ASAP1: variants seen among roughly 807,000 people sequenced by gnomAD.
The protein encoded by ASAP1 is arf-GAP with SH3 domain, ANK repeat and PH domain-containing protein 1.
ASAP1 carries 43 observed loss-of-function variants against 145.2 expected under a neutral mutation model. That is an observed-to-expected ratio of 0.30 (90% confidence interval 0.23 to 0.38). The LOEUF is 0.38. Among genes scored for constraint, ASAP1 ranks in the 10% least tolerant of loss-of-function variants. The pLI, the probability that ASAP1 is intolerant of heterozygous loss-of-function variation, is 1.00. For missense variants in ASAP1, 1,018 were observed against 1,355.3 expected (o/e 0.75, Z 3.91); for synonymous variants, 546 against 515.5 (o/e 1.06, Z -0.80).
chr8:130,192,426 T>C (rs1815203094), intron 5 of ASAP1, among the ~76,000 whole-genome samples: 1 of 152,166 alleles, frequency 6.6e-6, no homozygotes, highest in African/African-American at 2.4e-5. Context: ...CAACACTAAC[T>C]GGGTCTGAGA....
chr8:130,217,258 C>T (rs1341473041), intron 4 of ASAP1, among the ~76,000 whole-genome samples: 22 of 151,990 alleles, frequency 1.4e-4, no homozygotes, highest in Admixed American at 1.4e-3. Flanking sequence ...ATAGTATTTA[C>T]ATAATGAATA....
intron 3 of ASAP1, among the ~76,000 whole-genome samples, chr8:130,345,450 T>C (rs1348980253): frequency 6.6e-6 from 1 of 152,154 alleles, no homozygotes; most frequent in African/African-American, 2.4e-5. Flanking sequence ...ATGTCTTGTT[T>C]GTGTCTCTGT....
At chr8:130,440,125 TTCTC>T (rs892902533) in intron 1 of ASAP1, among the ~76,000 whole-genome samples, 4 of 152,112 alleles carry the variant, frequency 2.6e-5, no homozygotes, top group Non-Finnish European at 5.9e-5. Context: ...CTCCTCCCAC[TTCTC>T]TCTACCTCCA....
chr8:130,101,881 A>AT (rs1399711205), intron 24 of ASAP1, among the ~76,000 whole-genome samples: 3 of 151,392 alleles, frequency 2.0e-5, no homozygotes, highest in Non-Finnish European at 4.4e-5. Flanking sequence ...CTTTTTCTTG[A>AT]TTTTTTAAAG....
intron 3 of ASAP1, among the ~76,000 whole-genome samples, chr8:130,343,979 C>A (rs2137952037): frequency 6.6e-6 from 1 of 152,260 alleles, no homozygotes; most frequent in South Asian, 2.1e-4. Flanking sequence ...AAATTTTCTT[C>A]TTTTATACTT....
chr8:130,063,429 A>T (rs1055821256), intron 27 of ASAP1, among the ~76,000 whole-genome samples: 1 of 151,660 alleles, frequency 6.6e-6, no homozygotes, highest in Non-Finnish European at 1.5e-5. Flanking sequence ...CTCTCTCCGC[A>T]CTCCTGGCTT....
chr8:130,347,885 T>C (rs1360805707), intron 3 of ASAP1, among the ~76,000 whole-genome samples: 1 of 152,224 alleles, frequency 6.6e-6, no homozygotes, highest in African/African-American at 2.4e-5. Flanking sequence ...CCATGAATCC[T>C]TCCAATAAGT....
intron 24 of ASAP1, among the ~76,000 whole-genome samples, chr8:130,101,732 A>ATTTTGTTTTTTTTTTTTTTTTTTTTTTT (rs2097529109): frequency 1.1e-5 from 1 of 86,968 alleles, no homozygotes; most frequent in African/African-American, 5.5e-5. Flanking sequence ...CACCTGGTTA[A>ATTTTGTTTTTTTTTTTTTTTTTTTTTTT]TTTTTTTTTT....
chr8:130,070,216 T>C (rs576756409), intron 27 of ASAP1, among the ~76,000 whole-genome samples: 23 of 152,304 alleles, frequency 1.5e-4, no homozygotes, highest in African/African-American at 5.3e-4. Flanking sequence ...TTTTCTATTT[T>C]TTAGTAGAGA....
intron 24 of ASAP1, among the ~76,000 whole-genome samples, chr8:130,102,996 GT>G (rs1331012661): frequency 5.6e-4 from 16 of 28,804 alleles, no homozygotes; most frequent in African/African-American, 2.2e-3. Flanking sequence ...CAGCCTAGCT[GT>G]CTGTTTTTTA....
intron 24 of ASAP1, among the ~76,000 whole-genome samples, chr8:130,106,149 G>A (rs1449843524): frequency 1.3e-5 from 2 of 151,958 alleles, no homozygotes; most frequent in African/African-American, 2.4e-5. Context: ...AAGGACAGGG[G>A]GAAAGGATTT....
At chr8:130,285,794 A>G (rs1821572464) in intron 3 of ASAP1, among the ~76,000 whole-genome samples, 1 of 152,240 alleles carries the variant, frequency 6.6e-6, no homozygotes, top group Admixed American at 6.5e-5. Flanking sequence ...ATCACCGTGG[A>G]AAGTTTTCCG....
chr8:130,309,098 T>C (rs1823170899), intron 3 of ASAP1, among the ~76,000 whole-genome samples: 1 of 152,180 alleles, frequency 6.6e-6, no homozygotes, highest in Non-Finnish European at 1.5e-5. Context: ...AAACATGTCC[T>C]GAAGCACCTA....
At chr8:130,153,332 A>AATATATATATATAT (rs67554567) in intron 12 of ASAP1, among the ~76,000 whole-genome samples, 37 of 87,512 alleles carry the variant, frequency 4.2e-4, no homozygotes, top group African/African-American at 1.3e-3. Context: ...CTGCTTTTTA[A>AATATATATATATAT]ATATATATAT....
At chr8:130,233,241 G>T (rs777335482) in intron 4 of ASAP1, among the ~76,000 whole-genome samples, 2 of 152,156 alleles carry the variant, frequency 1.3e-5, no homozygotes, top group Non-Finnish European at 2.9e-5. Flanking sequence ...TTTTCCATTT[G>T]ATGGATCCAT....
At chr8:130,337,936 A>C (rs1340578696) in intron 3 of ASAP1, among the ~76,000 whole-genome samples, 1 of 152,220 alleles carries the variant, frequency 6.6e-6, no homozygotes, top group African/African-American at 2.4e-5. Flanking sequence ...CATTTACTAC[A>C]TACCAATGTG....
At chr8:130,112,054 C>G in intron 24 of ASAP1, 40 bp downstream of exon 24, 1 of 1,570,612 alleles carries the variant, frequency 6.4e-7, no homozygotes, top group South Asian at 1.1e-5. Context: ...GTCACAAGCC[C>G]TTCGAGGATG....
chr8:130,189,774 CA>C (rs1452250437), intron 5 of ASAP1, among the ~76,000 whole-genome samples: 1 of 152,194 alleles, frequency 6.6e-6, no homozygotes, highest in Non-Finnish European at 1.5e-5. Flanking sequence ...TTACCACCAA[CA>C]GCGTATGAGA....
intron 25 of ASAP1, among the ~76,000 whole-genome samples, chr8:130,081,017 T>G (rs2097478695): frequency 6.6e-6 from 1 of 152,202 alleles, no homozygotes. Context: ...ACTTCACTGC[T>G]CTCACAGAGC....
Sources: gnomAD v4.1 joint callset for allele counts (sites outside exome capture counted in the v4.1 genomes callset) on GRCh38, gnomAD v4.1.1 for gene constraint, MANE v1.5 for transcripts, NCBI Gene and HGNC (gene_info 2026-07-23, HGNC 2026-07-21) for gene names.